The following TRMO variants were observed in gnomAD, a reference collection of about 807,000 sequenced individuals.
TRMO encodes tRNA (adenine(37)-N6)-methyltransferase.
A neutral mutation model predicts 37.2 loss-of-function variants in TRMO; 30 were observed. The ratio of observed to expected loss-of-function variants is 0.81; its 90% CI spans 0.60 to 1.09. The LOEUF is 1.09. Ranked by LOEUF, TRMO falls within the 50% of genes least tolerant of loss-of-function variation. TRMO has a pLI of 0.00. For synonymous variants in TRMO, 239 were observed against 199.4 expected (o/e 1.20, Z -1.67); for missense variants, 552 against 549.5 (o/e 1.00, Z -0.05).
chr9:97,904,606 G>A lies in TRMO; in HGVS notation c.*127C>T. Reference sequence around the variant, plus strand: ...GTTTTTCAAATAAACATTTTGAACAGCCCAAATCAATCAAAGCCATGAGAT... The same window carrying A: ...GTTTTTCAAATAAACATTTTGAACAACCCAAATCAATCAAAGCCATGAGAT... On this transcript the variant is annotated 3_prime_UTR_variant, in exon 5 of 5. Coordinates refer to ENST00000375119, the MANE Select transcript of TRMO (RefSeq NM_016481.5). 1 of 1,514,494 alleles carries A rather than the reference G, an allele frequency of 6.6e-7. No homozygotes were observed. The highest frequency in any genetic ancestry group is 8.8e-7 in the Non-Finnish European group (1 of 1,137,086). The allele number at this position is 1,514,494 out of a possible 1,614,324, so 93.8% of individuals were successfully genotyped here.
chr9:97,902,316 T>C (rs1825691501), downstream of TRMO, among the ~76,000 whole-genome samples: 1 of 152,240 alleles, frequency 6.6e-6, no homozygotes, highest in Admixed American at 6.5e-5. Flanking sequence ...GTGGGTTTTT[T>C]TTGAGACAGG....
At chr9:97,908,017 C>T (rs953020213) in intron 4 of TRMO, among the ~76,000 whole-genome samples, 3 of 152,166 alleles carry the variant, frequency 2.0e-5, no homozygotes, top group African/African-American at 7.2e-5. Context: ...CAGTGGCTCA[C>T]ACCTGTAATC....
chr9:97,910,522 A>C lies in TRMO; in HGVS notation c.504T>G (p.Asn168Lys). ...PYIAEYDSPQ[N>K]VMEPLADFNL... ...TAAAGTCTGCTAAAGGCTCCATCAC[A>C]TTTTGCGGTGAGTCATACTCAGCTA... Residue 168 changes from asparagine (N) to lysine (K), a missense_variant, in exon 4 of 5, where the codon AAT becomes AAG. Asn to Lys is a moderately conservative substitution (Grantham distance 94). Coordinates refer to ENST00000375119, the MANE Select transcript of TRMO (RefSeq NM_016481.5). 2 of 1,614,076 alleles carry C rather than the reference A, an allele frequency of 1.2e-6. No individual in the cohort carries two copies. Among genetic ancestry groups the C allele is most frequent in the Non-Finnish European group, 1.7e-6 (2 of 1,180,008 alleles).
At chr9:97,899,429 C>CTTATTTATTTAT in the TRMO span, among the ~76,000 whole-genome samples, 1 of 105,556 alleles carries the variant, frequency 9.5e-6, no homozygotes, top group Non-Finnish European at 1.7e-5. Flanking sequence ...TTTTTATGTA[C>CTTATTTATTTAT]GTATTTATTT....
chr9:97,921,154 T>A (rs913504966), intron 1 of TRMO, among the ~76,000 whole-genome samples: 1 of 152,244 alleles, frequency 6.6e-6, no homozygotes. Flanking sequence ...AACTTTAGAA[T>A]GTACACAAAC....
At chr9:97,913,897 C>A (rs915314954) in intron 2 of TRMO, 1 of 204,648 alleles carries the variant, frequency 4.9e-6, no homozygotes, top group Non-Finnish European at 1.0e-5. Flanking sequence ...TCATTTCATA[C>A]AATCGCCTTA....
intron 1 of TRMO, among the ~76,000 whole-genome samples, chr9:97,922,058 G>C (rs1482910678): frequency 6.6e-6 from 1 of 152,084 alleles, no homozygotes; most frequent in African/African-American, 2.4e-5. Context: ...CTACAGCGCA[G>C]GATGCCTCTC....
At chr9:97,918,109 G>A (rs975792179) in intron 1 of TRMO, among the ~76,000 whole-genome samples, 29 of 151,520 alleles carry the variant, frequency 1.9e-4, no homozygotes, top group Middle Eastern at 3.4e-3. Flanking sequence ...GGCCAGGCGC[G>A]GTGGCTCACG....
the TRMO span, among the ~76,000 whole-genome samples, chr9:97,898,201 G>A: frequency 6.6e-6 from 1 of 152,178 alleles, no homozygotes; most frequent in African/African-American, 2.4e-5. Context: ...TCACAGCCAC[G>A]TGCACTGGCC....
At chr9:97,916,737 G>A (rs1024697786) in intron 1 of TRMO, among the ~76,000 whole-genome samples, 22 of 134,168 alleles carry the variant, frequency 1.6e-4, no homozygotes, top group Non-Finnish European at 2.5e-4. Context: ...ATGGAGTCTC[G>A]CTGTGTTGCC....
chr9:97,897,445 C>A, the TRMO span, among the ~76,000 whole-genome samples: 4 of 152,120 alleles, frequency 2.6e-5, no homozygotes, highest in African/African-American at 9.7e-5. Context: ...TGTTTACAAT[C>A]CTTTAAAAAT....
Position 97,913,440 on chromosome 9 carries a change from C to G in TRMO, c.370G>C (p.Ala124Pro). ...FSTRSPHRPN[A>P]IGLTLAKLEK... ...AGCTTGGCCAGGGTCAGTCCTATTGCATTGGGACGATGAGGGCTCCTTGTG... is the reference window on the plus strand; with the variant it reads ...AGCTTGGCCAGGGTCAGTCCTATTGGATTGGGACGATGAGGGCTCCTTGTG... The change falls in exon 3 of 5, where the codon GCA (alanine) becomes CCA (proline). Residue 124 changes from alanine (A) to proline (P), a missense_variant. Transcript: ENST00000375119. The G allele has an allele frequency of 6.2e-7, 1 of 1,613,904 alleles. No individual in the cohort carries two copies. The highest frequency in any genetic ancestry group is 8.5e-7 in the Non-Finnish European group (1 of 1,179,902).
downstream of TRMO, among the ~76,000 whole-genome samples, chr9:97,904,007 G>C (rs1224942181): frequency 6.6e-6 from 1 of 152,136 alleles, no homozygotes; most frequent in African/African-American, 2.4e-5. Flanking sequence ...GCTCGAACCT[G>C]GGAGGCAGAG....
chr9:97,916,705 CTTTTTTTTT>C, intron 1 of TRMO, among the ~76,000 whole-genome samples: 1 of 124,604 alleles, frequency 8.0e-6, no homozygotes, highest in South Asian at 2.6e-4. Flanking sequence ...GTATTTCTTT[CTTTTTTTTT>C]TTTTTTTTTG....
rs182154047 is a variant in TRMO at position 97,906,588 on chromosome 9, G to C, written c.1067-1596C>G. On this transcript the variant is annotated intron_variant, in intron 4 of 4. Coordinates refer to ENST00000375119, the MANE Select transcript of TRMO (RefSeq NM_016481.5). The stretch of plus-strand genomic sequence containing the variant: ...TTTGCTATCAATCAGTTCCTGTTTT[G>C]TAGTTACACTGCGTAATTTCTCATT... Among the ~76,000 whole-genome samples the C allele has an allele frequency of 4.5e-4, 68 of 152,284 alleles. 1 individual carries two copies. Among genetic ancestry groups the C allele is most frequent in the Middle Eastern group, 3.4e-3 (1 of 294 alleles).
rs1826226239 is a variant in TRMO, at chr9:97,913,579, C to T, written c.252-21G>A. 34 of 1,518,610 alleles carry T rather than the reference C, an allele frequency of 2.2e-5. No individual in the cohort carries two copies. In the East Asian group the frequency reaches 7.7e-4, roughly 34 times the overall value. 94.1% of individuals were successfully genotyped at this position (1,518,610 alleles called of 1,614,324 possible). A position where few individuals can be genotyped will look rare whatever the true frequency, so the allele number is the denominator to read the frequency against. ...AAATCCTATAGAAAACAAAACAAAA[C>T]AAACCACGGAATAAGAAAAGAGCAC... On this transcript the variant is annotated intron_variant, in intron 2 of 4. Transcript: ENST00000375119.
the TRMO span, among the ~76,000 whole-genome samples, chr9:97,897,235 A>G: frequency 1.3e-5 from 2 of 152,256 alleles, no homozygotes; most frequent in African/African-American, 4.8e-5. Context: ...TTCTGTATGT[A>G]ATAACCTTTC....
intron 4 of TRMO, among the ~76,000 whole-genome samples, chr9:97,905,780 C>G (rs1825828913): frequency 6.6e-6 from 1 of 152,102 alleles, no homozygotes; most frequent in Non-Finnish European, 1.5e-5. Flanking sequence ...TTGATTTCTA[C>G]AAGCAGCCAA....
chr9:97,901,365 A>G (rs941469708), downstream of TRMO, among the ~76,000 whole-genome samples: 6 of 152,266 alleles, frequency 3.9e-5, no homozygotes, highest in African/African-American at 1.4e-4. Flanking sequence ...TAAAGGACCA[A>G]GAATCAAGCA....
Sources: gnomAD v4.1 joint callset for allele counts (sites outside exome capture counted in the v4.1 genomes callset) on GRCh38, gnomAD v4.1.1 for gene constraint, MANE v1.5 for transcripts, NCBI Gene and HGNC (gene_info 2026-07-23, HGNC 2026-07-21) for gene names.